NAALADL2: variants seen among roughly 807,000 people sequenced by gnomAD.
NAALADL2 encodes the protein inactive N-acetylated-alpha-linked acidic dipeptidase-like protein 2.
NAALADL2 carries 76 observed loss-of-function variants against 87.2 expected under a neutral mutation model. The observed-to-expected ratio is 0.87, with a 90% CI of 0.72 to 1.05. NAALADL2 has a LOEUF of 1.05. Ranked by LOEUF, NAALADL2 falls within the 50% of genes least tolerant of loss-of-function variation. The pLI is 0.00. For missense variants in NAALADL2, 1,089 were observed against 945.8 expected, an observed-to-expected ratio of 1.15 and a Z score of -1.99; for synonymous variants, 354 against 331.0, an observed-to-expected ratio of 1.07 and a Z score of -0.75.
At chr3:175,484,472 C>T (rs1560629399) in intron 9 of NAALADL2, among the ~76,000 whole-genome samples, 1 of 152,176 alleles carries the variant, frequency 6.6e-6, no homozygotes, top group East Asian at 1.9e-4. Context: ...GCTATATAGT[C>T]ATTTACTGTT....
intron 2 of NAALADL2, among the ~76,000 whole-genome samples, chr3:175,115,900 C>A (rs577356773): frequency 2.0e-5 from 3 of 152,036 alleles, no homozygotes; most frequent in African/African-American, 7.2e-5. Flanking sequence ...ATCAAGTTGG[C>A]TTCATCCCTG....
intron 2 of NAALADL2, among the ~76,000 whole-genome samples, chr3:174,676,917 G>A (rs906161055): frequency 1.5e-4 from 23 of 151,816 alleles, no homozygotes; most frequent in African/African-American, 5.1e-4. Flanking sequence ...TATCATTGCT[G>A]TTACTTTTTA....
At chr3:174,806,362 C>A (rs1235144464) in intron 3 of NAALADL2, among the ~76,000 whole-genome samples, 1 of 152,158 alleles carries the variant, frequency 6.6e-6, no homozygotes, top group African/African-American at 2.4e-5. Context: ...GCCAAGAAGG[C>A]CAGGTCTTTT....
chr3:174,680,443 C>T (rs1233184884), intron 2 of NAALADL2, among the ~76,000 whole-genome samples: 1 of 152,192 alleles, frequency 6.6e-6, no homozygotes, highest in Non-Finnish European at 1.5e-5. Context: ...ATGAAGCTTA[C>T]TCCCACATAG....
intron 5 of NAALADL2, among the ~76,000 whole-genome samples, chr3:175,348,042 T>C (rs1212270518): frequency 6.6e-6 from 1 of 151,812 alleles, no homozygotes; most frequent in Non-Finnish European, 1.5e-5. Context: ...AAAAAAAAGG[T>C]TAGGTTTCTT....
At chr3:175,550,447 C>A (rs1431046176) in intron 9 of NAALADL2, among the ~76,000 whole-genome samples, 1 of 151,902 alleles carries the variant, frequency 6.6e-6, no homozygotes, top group Non-Finnish European at 1.5e-5. Context: ...TAGGTAGAAA[C>A]AACATGAAGG....
chr3:175,401,239 T>A (rs573799793), intron 5 of NAALADL2, among the ~76,000 whole-genome samples: 1 of 152,232 alleles, frequency 6.6e-6, no homozygotes, highest in Non-Finnish European at 1.5e-5. Context: ...CAGATATTAT[T>A]GTTTTCTATA....
intron 11 of NAALADL2, among the ~76,000 whole-genome samples, chr3:175,731,857 T>G (rs1230473846): frequency 6.6e-6 from 1 of 152,200 alleles, no homozygotes; most frequent in Non-Finnish European, 1.5e-5. Flanking sequence ...TTTTTTAATC[T>G]TTTGTAATGT....
chr3:175,448,305 G>A (rs1386703505), intron 6 of NAALADL2, among the ~76,000 whole-genome samples: 1 of 152,202 alleles, frequency 6.6e-6, no homozygotes, highest in Admixed American at 6.5e-5. Context: ...AGAAGCACTC[G>A]AGGAGCTTTC....
chr3:175,008,765 G>A (rs1457530560), intron 1 of NAALADL2, among the ~76,000 whole-genome samples: 4 of 122,532 alleles, frequency 3.3e-5, no homozygotes, highest in South Asian at 2.5e-4. Flanking sequence ...GGGTTTGGAG[G>A]TAATCAACCT....
intron 2 of NAALADL2, among the ~76,000 whole-genome samples, chr3:175,146,201 C>G (rs560260350): frequency 6.6e-6 from 1 of 151,906 alleles, no homozygotes; most frequent in Non-Finnish European, 1.5e-5. Context: ...TCTTACATAA[C>G]CTTCTTCATA....
At chr3:174,991,456 T>TA (rs36020268) in intron 1 of NAALADL2, among the ~76,000 whole-genome samples, 1 of 151,868 alleles carries the variant, frequency 6.6e-6, no homozygotes, top group East Asian at 1.9e-4. Flanking sequence ...AAAAACATAT[T>TA]TTTAGAGACA....
intron 1 of NAALADL2, among the ~76,000 whole-genome samples, chr3:175,049,883 T>C (rs1755149840): frequency 1.3e-5 from 2 of 152,250 alleles, no homozygotes; most frequent in South Asian, 4.1e-4. Flanking sequence ...TACAGCAAGT[T>C]CTCAAATGTT....
intron 13 of NAALADL2, 140 bp downstream of exon 13, chr3:175,755,558 C>A: frequency 1.9e-6 from 1 of 531,554 alleles, no homozygotes; most frequent in Non-Finnish European, 3.0e-6. Context: ...GGAACTTCCC[C>A]CTCCCCCAAA....
In NAALADL2 at chr3:175,805,654, T is replaced by C. The variant is rs1157059488; in HGVS notation, c.*2451T>C. ...TGAGCAAATTAATAGCAAGTGTTAATGTGAATTGGTAGTAGGTTTAAGCTG... is the reference window on the plus strand; with the variant it reads ...TGAGCAAATTAATAGCAAGTGTTAACGTGAATTGGTAGTAGGTTTAAGCTG... On this transcript the variant is annotated 3_prime_UTR_variant, in exon 14 of 14. Transcript: ENST00000454872. 2 of 151,502 alleles carry C rather than the reference T, an allele frequency of 1.3e-5. No individual in the cohort carries two copies. Among genetic ancestry groups the C allele is most frequent in the Admixed American group, 1.3e-4 (2 of 15,146 alleles). The allele number at this position is 151,502 out of a possible 1,614,324, so 9.4% of individuals were successfully genotyped here. A position where few individuals can be genotyped will look rare whatever the true frequency, so the allele number is the denominator to read the frequency against.
chr3:175,119,020 A>G (rs1025619170), intron 2 of NAALADL2, among the ~76,000 whole-genome samples: 1 of 150,758 alleles, frequency 6.6e-6, no homozygotes, highest in Non-Finnish European at 1.5e-5. Context: ...ACTTTGTTTC[A>G]TTTACAGATA....
At chr3:174,832,461 G>A (rs946737183) in intron 3 of NAALADL2, among the ~76,000 whole-genome samples, 11 of 151,944 alleles carry the variant, frequency 7.2e-5, no homozygotes, top group Non-Finnish European at 1.5e-4. Context: ...TGATTGCCCT[G>A]TGGTGTTGTT....
At chr3:175,400,499 A>G (rs1047082008) in intron 5 of NAALADL2, among the ~76,000 whole-genome samples, 1 of 152,172 alleles carries the variant, frequency 6.6e-6, no homozygotes, top group African/African-American at 2.4e-5. Context: ...TAAGCTACAT[A>G]TTACAAGATC....
rs1393462010 is a variant in NAALADL2 at position 175,213,204 on chromosome 3, A to G, written c.546-20727A>G. Among the ~76,000 whole-genome samples the G allele has an allele frequency of 2.0e-5, 3 of 152,286 alleles. 1 individual carries two copies. The highest frequency in any genetic ancestry group is 3.4e-3 in the Middle Eastern group (1 of 294). ...TCGCATTTAGTTAGTGGAAGAATCA[A>G]TGCCAGACTGTCTCTGAATCATCCA... On this transcript the variant is annotated intron_variant, in intron 2 of 13. Transcript: ENST00000454872.
Sources: gnomAD v4.1 joint callset for allele counts (sites outside exome capture counted in the v4.1 genomes callset) on GRCh38, gnomAD v4.1.1 for gene constraint, MANE v1.5 for transcripts, NCBI Gene and HGNC (gene_info 2026-07-23, HGNC 2026-07-21) for gene names.